PRH1: variants seen among roughly 807,000 people sequenced by gnomAD.
The protein encoded by PRH1 is salivary acidic proline-rich phosphoprotein 1/2.
Under a neutral mutation model 7.9 loss-of-function variants are expected in PRH1, and 7 were observed. That is an observed-to-expected ratio of 0.89 (90% CI 0.50 to 1.67). The LOEUF is 1.67. Ranked by LOEUF, PRH1 falls within the 40% of genes most tolerant of loss-of-function variation. The pLI, the probability that PRH1 is intolerant of heterozygous loss-of-function variation, is 0.00. For missense variants in PRH1, 109 were observed against 223.6 expected (o/e 0.49, Z 3.27); for synonymous variants, 45 against 80.8 (o/e 0.56, Z 2.38).
At position 11,059,213 on chromosome 12, in the gene PRH1, C is replaced by A. The variant is rs1460793244; in HGVS notation, n.124-12025G>T. The stretch of plus-strand genomic sequence containing the variant: ...TGCCGGCTGTGGTTTCCCCTTGTAG[C>A]CCTTCTGGAAAAGTGCTGGGAGCCA... On this transcript the variant is annotated intron_variant and non_coding_transcript_variant, in intron 1 of 4. Transcript: ENST00000541977. Among the ~76,000 whole-genome samples the A allele has an allele frequency of 2.6e-5, 4 of 152,230 alleles. No individual in the cohort carries two copies. In the East Asian group the frequency reaches 7.7e-4, roughly 29 times the overall value.
chr12:10,964,659 T>A (rs1938415251), intron 2 of PRH1: 2 of 570,780 alleles, frequency 3.5e-6, no homozygotes. Context: ...AGGAAGGAGG[T>A]CACCGTTTGC....
chr12:11,167,908 T>C (rs1947628264), intron 1 of PRH1, among the ~76,000 whole-genome samples: 1 of 144,578 alleles, frequency 6.9e-6, no homozygotes, highest in Non-Finnish European at 1.5e-5. Flanking sequence ...TGCTATATCA[T>C]ATTCTTCCAC....
chr12:11,062,721 C>T (rs1943665987), intron 1 of PRH1, among the ~76,000 whole-genome samples: 1 of 152,002 alleles, frequency 6.6e-6, no homozygotes. Context: ...GTTTTATAAC[C>T]CAATACAGAG....
At chr12:10,986,441 CA>C (rs1424501276) in intron 1 of PRH1, 12 of 1,613,784 alleles carry the variant, frequency 7.4e-6, no homozygotes, top group Non-Finnish European at 1.0e-5. Context: ...GATGACAAAC[CA>C]AAAATATCAA....
chr12:10,922,047 G>C (rs1386501653), intron 2 of PRH1, among the ~76,000 whole-genome samples: 14 of 152,176 alleles, frequency 9.2e-5, no homozygotes. Context: ...GGGGATTACA[G>C]GCAGGTGCCA....
chr12:11,142,971 A>G (rs1431214661), intron 1 of PRH1, among the ~76,000 whole-genome samples: 2 of 152,216 alleles, frequency 1.3e-5, no homozygotes, highest in Admixed American at 6.5e-5. Context: ...TCAGAAAGAA[A>G]AGGGCATTAA....
At chr12:11,050,231 G>C (rs1311042683), upstream of PRH1, among the ~76,000 whole-genome samples, 1 of 152,166 alleles carries the variant, frequency 6.6e-6, no homozygotes, top group Non-Finnish European at 1.5e-5. Flanking sequence ...CATATTTATT[G>C]ACAGTAAGCC....
chr12:11,056,158 C>G (rs1422870476), intron 1 of PRH1, among the ~76,000 whole-genome samples: 1 of 152,202 alleles, frequency 6.6e-6, no homozygotes, highest in Admixed American at 6.5e-5. Context: ...AGGACTTTGA[C>G]TAAATTATTC....
rs1476473640 is a variant in PRH1 at position 11,088,117 on chromosome 12, G to C, written n.124-40929C>G. On this transcript the variant is annotated intron_variant and non_coding_transcript_variant, in intron 1 of 4. Transcript: ENST00000541977. ...TCATTTTAGGAGGCCGACACGGGAA[G>C]ATCATTTGAGCCCAGGAGTTTGAGA... Among the ~76,000 whole-genome samples the C allele has an allele frequency of 1.4e-4, 19 of 131,340 alleles. 1 individual carries two copies. The highest frequency in any genetic ancestry group is 4.8e-4 in the African/African-American group (18 of 37,372). The allele number at this position is 131,340 out of a possible 152,430, so 86.2% of individuals were successfully genotyped here. A position where few individuals can be genotyped will look rare whatever the true frequency, so the allele number is the denominator to read the frequency against.
At chr12:11,085,872 C>A (rs9777950) in intron 1 of PRH1, among the ~76,000 whole-genome samples, 1,085 of 103,058 alleles carry the variant, frequency 0.011, 33 homozygotes, top group Middle Eastern at 0.017. Flanking sequence ...ATAGATCATA[C>A]ATTGGATGCC....
chr12:11,086,680 G>A (rs544303108), intron 1 of PRH1, among the ~76,000 whole-genome samples: 21 of 129,112 alleles, frequency 1.6e-4, no homozygotes, highest in Non-Finnish European at 2.7e-4. Context: ...TTGGGAGGCT[G>A]AGGCAGGTGC....
chr12:10,965,544 A>G (rs1938461632), intron 2 of PRH1, among the ~76,000 whole-genome samples: 1 of 152,236 alleles, frequency 6.6e-6, no homozygotes, highest in Non-Finnish European at 1.5e-5. Context: ...TCAATAATGT[A>G]TTTATGGAAA....
chr12:10,908,495 C>T lies in PRH1; in HGVS notation c.-58-24220G>A, dbSNP rs779686004. On this transcript the variant is annotated intron_variant, in intron 2 of 3. Transcript: ENST00000539853. ...GGCTTGAAGGAGAGAAGACTCCAAT[C>T]GTCTCACAAAGCATGTAGATCACTG... is the stretch of plus-strand genomic sequence containing the variant. The T allele has an allele frequency of 7.0e-5, 113 of 1,613,710 alleles. 3 individuals carry two copies. Among genetic ancestry groups the T allele is most frequent in the South Asian group, 3.7e-4 (34 of 91,072 alleles).
At chr12:10,995,175 T>C (rs951812405) in intron 1 of PRH1, among the ~76,000 whole-genome samples, 2 of 152,180 alleles carry the variant, frequency 1.3e-5, no homozygotes, top group African/African-American at 4.8e-5. Context: ...CCCAATATAG[T>C]TCATATTCAT....
At chr12:11,040,891 TG>T (rs1942680034) in intron 1 of PRH1, among the ~76,000 whole-genome samples, 1 of 152,190 alleles carries the variant, frequency 6.6e-6, no homozygotes. Context: ...CTTGAAATGA[TG>T]GGTTAGAAGA....
At chr12:11,139,575 T>G (rs1311807187) in intron 1 of PRH1, among the ~76,000 whole-genome samples, 1 of 152,228 alleles carries the variant, frequency 6.6e-6, no homozygotes, top group African/African-American at 2.4e-5. Context: ...ATTTGTTCAT[T>G]TCCTTTGTTG....
intron 1 of PRH1, among the ~76,000 whole-genome samples, chr12:11,103,069 T>C (rs1370041062): frequency 1.3e-5 from 2 of 152,064 alleles, no homozygotes; most frequent in East Asian, 1.9e-4. Context: ...TGTGGAGAAA[T>C]AGGAACAATT....
intron 1 of PRH1, chr12:10,986,712 G>A (rs764398562): frequency 6.2e-7 from 1 of 1,613,286 alleles, no homozygotes; most frequent in South Asian, 1.1e-5. Flanking sequence ...GACCGCCAGA[G>A]CAGTGAGAAT....
chr12:10,927,496 T>C (rs1016495639), intron 2 of PRH1, among the ~76,000 whole-genome samples: 9 of 152,338 alleles, frequency 5.9e-5, no homozygotes, highest in Admixed American at 2.6e-4. Flanking sequence ...CAGAGAAGAA[T>C]TGCCAATTAA....
Sources: gnomAD v4.1 joint callset for allele counts (sites outside exome capture counted in the v4.1 genomes callset) on GRCh38, gnomAD v4.1.1 for gene constraint, MANE v1.5 for transcripts, NCBI Gene and HGNC (gene_info 2026-07-23, HGNC 2026-07-21) for gene names.